The following SNTB1 variants were observed in gnomAD, a reference collection of about 807,000 sequenced individuals.
SNTB1 encodes syntrophin beta 1.
SNTB1 carries 36 observed loss-of-function variants against 48.9 expected under a neutral mutation model. The ratio of observed to expected loss-of-function variants is 0.74; its 90% CI spans 0.56 to 0.97. The LOEUF (loss-of-function observed/expected upper bound fraction) is 0.97, where lower values mean the gene tolerates loss of function less well. Ranked by LOEUF, SNTB1 falls within the 50% of genes least tolerant of loss-of-function variation. The pLI is 0.00. For missense variants in SNTB1, 786 were observed against 703.4 expected (o/e 1.12, Z -1.33); for synonymous variants, 299 against 294.6 (o/e 1.01, Z -0.15).
chr8:120,752,377 G>A (rs1287160562), intron 1 of SNTB1, among the ~76,000 whole-genome samples: 3 of 152,030 alleles, frequency 2.0e-5, no homozygotes, highest in Non-Finnish European at 2.9e-5. Context: ...TTCCTCTTCA[G>A]TAAAGTGAGA....
intron 2 of SNTB1, among the ~76,000 whole-genome samples, chr8:120,652,109 G>A (rs1409659553): frequency 6.6e-6 from 1 of 152,038 alleles, no homozygotes; most frequent in Non-Finnish European, 1.5e-5. Flanking sequence ...GGAGAAGGAC[G>A]GGCCATAGGA....
chr8:120,651,454 G>A (rs530014983), intron 2 of SNTB1, among the ~76,000 whole-genome samples: 1 of 152,212 alleles, frequency 6.6e-6, no homozygotes, highest in Non-Finnish European at 1.5e-5. Context: ...GTTAATGAGA[G>A]TTGTGGCCGT....
chr8:120,569,841 T>G (rs1815813261), intron 4 of SNTB1, among the ~76,000 whole-genome samples: 1 of 152,198 alleles, frequency 6.6e-6, no homozygotes, highest in African/African-American at 2.4e-5. Flanking sequence ...TTTAATTACT[T>G]TAAGTAGCCA....
intron 1 of SNTB1, among the ~76,000 whole-genome samples, chr8:120,734,755 T>C (rs1410481630): frequency 2.6e-5 from 4 of 152,164 alleles, no homozygotes; most frequent in African/African-American, 4.8e-5. Context: ...GAGAGCAAAA[T>C]TGCAGCATCT....
intron 3 of SNTB1, among the ~76,000 whole-genome samples, chr8:120,609,500 T>A (rs1423195828): frequency 1.3e-5 from 2 of 152,190 alleles, no homozygotes; most frequent in Admixed American, 1.3e-4. Flanking sequence ...TGGTGAAGTA[T>A]GCAGTTCCCT....
At chr8:120,657,719 T>C (rs759818609) in intron 2 of SNTB1, among the ~76,000 whole-genome samples, 16 of 152,202 alleles carry the variant, frequency 1.1e-4, no homozygotes, top group Non-Finnish European at 2.4e-4. Context: ...GTCTGACCCA[T>C]TTACAAAATT....
chr8:120,597,634 C>T (rs928016960), intron 3 of SNTB1, among the ~76,000 whole-genome samples: 7 of 152,190 alleles, frequency 4.6e-5, no homozygotes, highest in African/African-American at 1.7e-4. Flanking sequence ...TTGGCAAGCT[C>T]TTAATAAGGA....
At chr8:120,694,972 T>G (rs561512716) in intron 1 of SNTB1, among the ~76,000 whole-genome samples, 2 of 152,322 alleles carry the variant, frequency 1.3e-5, no homozygotes, top group African/African-American at 4.8e-5. Flanking sequence ...AGTTCTGCTC[T>G]TTGATATATT....
intron 2 of SNTB1, among the ~76,000 whole-genome samples, chr8:120,686,087 G>C (rs1400151994): frequency 6.6e-6 from 1 of 152,116 alleles, no homozygotes; most frequent in African/African-American, 2.4e-5. Flanking sequence ...TAATTTCGAA[G>C]AAGACTGAGG....
intron 1 of SNTB1, among the ~76,000 whole-genome samples, chr8:120,714,455 A>G (rs1818522595): frequency 6.6e-6 from 1 of 152,182 alleles, no homozygotes; most frequent in South Asian, 2.1e-4. Context: ...CTCCAGAAAG[A>G]AATGGAATCA....
At position 120,692,489 on chromosome 8, in the gene SNTB1, T is replaced by TC. The variant is rs1388123918; in HGVS notation, c.788+1202dup. On this transcript the variant is annotated intron_variant, in intron 2 of 6. Transcript: ENST00000517992. ...CTCGCTTTCTTTATTTCTCTTATTT[T>TC]CCTCCTAAAATATATGTTTTCTCTT... is the stretch of plus-strand genomic sequence containing the variant. Among the ~76,000 whole-genome samples the TC allele has an allele frequency of 2.6e-5, 4 of 152,292 alleles. No individual in the cohort carries two copies. The East Asian group carries it at 7.7e-4, about 29-fold the overall frequency.
intron 4 of SNTB1, among the ~76,000 whole-genome samples, chr8:120,557,631 T>TCATTA: frequency 6.6e-6 from 1 of 152,204 alleles, no homozygotes; most frequent in Non-Finnish European, 1.5e-5. Context: ...CTCCTCTGTA[T>TCATTA]TCCCACACAT....
At chr8:120,714,550 G>A (rs1034515350) in intron 1 of SNTB1, among the ~76,000 whole-genome samples, 1 of 151,730 alleles carries the variant, frequency 6.6e-6, no homozygotes, top group African/African-American at 2.4e-5. Flanking sequence ...ACAGGAAGCA[G>A]GCACCATTCC....
chr8:120,596,190 A>G (rs910977595), intron 3 of SNTB1, among the ~76,000 whole-genome samples: 7 of 152,208 alleles, frequency 4.6e-5, no homozygotes, highest in Non-Finnish European at 8.8e-5. Context: ...TTAAGCTAAA[A>G]AAGCATTTTC....
chr8:120,576,516 T>A (rs1313249658), intron 3 of SNTB1, among the ~76,000 whole-genome samples: 4 of 152,222 alleles, frequency 2.6e-5, no homozygotes, highest in Non-Finnish European at 5.9e-5. Flanking sequence ...CGACTTGAGT[T>A]CTGTAGGTCC....
intron 4 of SNTB1, among the ~76,000 whole-genome samples, chr8:120,557,859 A>G (rs1014554577): frequency 2.6e-5 from 4 of 152,244 alleles, no homozygotes; most frequent in African/African-American, 9.6e-5. Flanking sequence ...AAAGGAAAGT[A>G]TACACATACA....
chr8:120,678,898 T>C (rs979373593), intron 2 of SNTB1, among the ~76,000 whole-genome samples: 1 of 152,208 alleles, frequency 6.6e-6, no homozygotes, highest in Non-Finnish European at 1.5e-5. Flanking sequence ...CTTCCAATTA[T>C]GCATGGCCAA....
chr8:120,660,436 A>ACTTTTCTT (rs1817570590), intron 2 of SNTB1, among the ~76,000 whole-genome samples: 2 of 152,210 alleles, frequency 1.3e-5, no homozygotes, highest in Admixed American at 1.3e-4. Context: ...CTAGCTTCAC[A>ACTTTTCTT]CTTTTCTTCT....
Position 120,811,595 on chromosome 8 carries a change from CT to C in SNTB1, c.248del (p.Gln83ArgfsTer31), listed in dbSNP as rs1183406246. 1 of 1,568,020 alleles carries C rather than the reference CT, an allele frequency of 6.4e-7. No individual in the cohort carries two copies. The highest frequency in any genetic ancestry group is 8.6e-7 in the Non-Finnish European group (1 of 1,160,032). On this transcript the variant is annotated frameshift_variant, in exon 1 of 7. Coordinates refer to ENST00000517992, the MANE Select transcript of SNTB1 (RefSeq NM_021021.4). LOFTEE classifies it high-confidence loss of function. ...GGACCCCGGCGGGCGAGTCCGGGGG[CT>C]GCGCGCCGCCCGCGCCCGGGTGCCC... is the stretch of plus-strand genomic sequence containing the variant. Reference protein sequence around the residue: ...GAGHPGAGGAQPPDSPAGVRT... With the variant: ...GAGHPGAGGAXPPDSPAGVRT...
Sources: gnomAD v4.1 joint callset for allele counts (sites outside exome capture counted in the v4.1 genomes callset) on GRCh38, gnomAD v4.1.1 for gene constraint, MANE v1.5 for transcripts, NCBI Gene and HGNC (gene_info 2026-07-23, HGNC 2026-07-21) for gene names.